Variants in FRMD4B observed in about 807,000 individuals in gnomAD.
FRMD4B encodes FERM domain-containing protein 4B.
In FRMD4B, 74 loss-of-function variants were observed where a neutral mutation model predicts 141.5. The observed-to-expected ratio is 0.52, with a 90% CI of 0.43 to 0.63. The LOEUF is 0.63. FRMD4B is among the 30% of genes least tolerant of loss of function. The pLI is 0.00. For missense variants in FRMD4B, 1,366 were observed against 1,253.4 expected (o/e 1.09, Z -1.36); for synonymous variants, 506 against 467.9 (o/e 1.08, Z -1.05).
intron 5 of FRMD4B, among the ~76,000 whole-genome samples, chr3:69,286,657 A>G (rs1700698709): frequency 6.6e-6 from 1 of 152,170 alleles, no homozygotes; most frequent in African/African-American, 2.4e-5. Context: ...ACAAGGGAGG[A>G]GCCAGGCTCC....
At chr3:69,334,752 T>C (rs1386726811) in intron 1 of FRMD4B, among the ~76,000 whole-genome samples, 1 of 152,188 alleles carries the variant, frequency 6.6e-6, no homozygotes, top group Admixed American at 6.5e-5. Flanking sequence ...GTGACTAGCA[T>C]CCATTCACAT....
chr3:69,242,821 C>T (rs567967309), intron 7 of FRMD4B, among the ~76,000 whole-genome samples: 6 of 151,432 alleles, frequency 4.0e-5, no homozygotes, highest in South Asian at 4.2e-4. Flanking sequence ...GGTGAAACCC[C>T]GTCTCTACTA....
intron 1 of FRMD4B, among the ~76,000 whole-genome samples, chr3:69,491,379 A>C (rs1189514173): frequency 6.6e-6 from 1 of 152,198 alleles, no homozygotes; most frequent in South Asian, 2.1e-4. Context: ...GAAAGGAAAA[A>C]AGAAAGAAAA....
chr3:69,230,457 G>C (rs946133951), intron 7 of FRMD4B, among the ~76,000 whole-genome samples: 6 of 151,992 alleles, frequency 3.9e-5, no homozygotes, highest in Non-Finnish European at 7.4e-5. Flanking sequence ...ACAAGAGTAA[G>C]ATTTAGGACC....
At position 69,311,377 on chromosome 3, in the gene FRMD4B, G is replaced by C; in HGVS notation, c.229-20C>G. 1 of 1,379,620 alleles carries C rather than the reference G, an allele frequency of 7.2e-7. No individual in the cohort carries two copies. Among genetic ancestry groups the C allele is most frequent in the Non-Finnish European group, 1.0e-6 (1 of 971,524 alleles). 85.5% of individuals were successfully genotyped at this position (1,379,620 alleles called of 1,614,324 possible). On this transcript the variant is annotated intron_variant, in intron 2 of 22. Coordinates refer to ENST00000398540, the MANE Select transcript of FRMD4B (RefSeq NM_015123.3). ...TTTGGGCTGTCAAAATAAAAATCTG[G>C]TTAGAAGCAATTTGGTTGCCTCTCT... is the stretch of plus-strand genomic sequence containing the variant.
chr3:69,376,075 TAA>T (rs1207080863), intron 1 of FRMD4B, among the ~76,000 whole-genome samples: 2 of 152,114 alleles, frequency 1.3e-5, no homozygotes, highest in Non-Finnish European at 2.9e-5. Flanking sequence ...CATACATATA[TAA>T]ATTTTACAGA....
chr3:69,530,353 T>C (rs1231757144), intron 1 of FRMD4B, among the ~76,000 whole-genome samples: 4 of 152,240 alleles, frequency 2.6e-5, no homozygotes, highest in African/African-American at 4.8e-5. Context: ...GTTCTCACTC[T>C]ATTGGTTTTC....
chr3:69,369,118 G>A (rs1281881593), intron 1 of FRMD4B, among the ~76,000 whole-genome samples: 3 of 152,126 alleles, frequency 2.0e-5, no homozygotes, highest in Non-Finnish European at 4.4e-5. Context: ...CATACTATAA[G>A]TTTAAAAGTA....
At chr3:69,486,057 T>C (rs1032190675) in intron 1 of FRMD4B, among the ~76,000 whole-genome samples, 1 of 152,246 alleles carries the variant, frequency 6.6e-6, no homozygotes, top group African/African-American at 2.4e-5. Flanking sequence ...CATACACATA[T>C]ATTGGCTACA....
intron 1 of FRMD4B, among the ~76,000 whole-genome samples, chr3:69,316,788 A>C (rs760485168): frequency 1.3e-5 from 2 of 152,172 alleles, no homozygotes; most frequent in Non-Finnish European, 2.9e-5. Flanking sequence ...ATTTAAAGCT[A>C]CTCTGTTGTC....
intron 5 of FRMD4B, among the ~76,000 whole-genome samples, chr3:69,252,575 C>A (rs909798458): frequency 2.0e-5 from 3 of 152,208 alleles, no homozygotes; most frequent in Non-Finnish European, 2.9e-5. Context: ...TGCCAAAGTT[C>A]TTTGACTCAT....
At chr3:69,291,371 T>G (rs1159037248) in intron 4 of FRMD4B, among the ~76,000 whole-genome samples, 2 of 152,244 alleles carry the variant, frequency 1.3e-5, no homozygotes, top group Non-Finnish European at 2.9e-5. Flanking sequence ...TAGTCTTCAC[T>G]TGTATTTTCC....
intron 1 of FRMD4B, chr3:69,323,168 G>A (rs1476148847): frequency 6.2e-6 from 1 of 160,390 alleles, no homozygotes; most frequent in Non-Finnish European, 1.3e-5. Context: ...TGCCAAAGCT[G>A]AAATTGAGTA....
intron 1 of FRMD4B, among the ~76,000 whole-genome samples, chr3:69,383,688 C>T (rs1192504855): frequency 6.6e-6 from 1 of 151,742 alleles, no homozygotes; most frequent in Non-Finnish European, 1.5e-5. Context: ...ACGTCTTGAG[C>T]AGAGAGAACC....
chr3:69,209,482 A>G (rs1371012471), intron 11 of FRMD4B, among the ~76,000 whole-genome samples: 1 of 152,204 alleles, frequency 6.6e-6, no homozygotes, highest in African/African-American at 2.4e-5. Flanking sequence ...TTGGGTCCTC[A>G]CAATGATCTG....
chr3:69,420,139 G>A (rs1704946253), intron 2 of FRMD4B, among the ~76,000 whole-genome samples: 1 of 152,172 alleles, frequency 6.6e-6, no homozygotes, highest in African/African-American at 2.4e-5. Flanking sequence ...TTACAGGCAT[G>A]AGCCACTGTG....
chr3:69,454,874 G>A (rs1158242816), intron 1 of FRMD4B, among the ~76,000 whole-genome samples: 2 of 152,240 alleles, frequency 1.3e-5, no homozygotes, highest in Non-Finnish European at 2.9e-5. Flanking sequence ...ATCCACTAGG[G>A]AAGTCAGCTG....
chr3:69,169,779 G>T lies in FRMD4B; in HGVS notation c.*2082C>A, dbSNP rs987154650. On this transcript the variant is annotated 3_prime_UTR_variant, in exon 23 of 23. Coordinates refer to ENST00000398540, the MANE Select transcript of FRMD4B (RefSeq NM_015123.3). ...AACAGAAAAATGTTATTTTATGCAA[G>T]ATACATGTATGGAAATATATTTCAT... Among the ~76,000 whole-genome samples, 16 of 152,144 alleles carry T rather than the reference G, an allele frequency of 1.1e-4. No individual in the cohort carries two copies.
At chr3:69,536,511 C>T (rs1183147462) in intron 1 of FRMD4B, 3 of 697,406 alleles carry the variant, frequency 4.3e-6, no homozygotes, top group South Asian at 3.0e-5. Context: ...CCCCAGCCTG[C>T]AGCGCCTCTA....
Sources: allele counts gnomAD v4.1 joint callset (sites outside exome capture counted in the v4.1 genomes callset), GRCh38; gene constraint gnomAD v4.1.1; transcripts MANE v1.5; gene names NCBI Gene and HGNC (gene_info 2026-07-23, HGNC 2026-07-21).